Variants in ARL15 observed in about 807,000 individuals in gnomAD.
The protein encoded by ARL15 is ADP-ribosylation factor-like protein 15.
ARL15 carries 19 observed loss-of-function variants against 25.2 expected under a neutral mutation model. The observed-to-expected ratio is 0.75, with a 90% confidence interval of 0.53 to 1.10. The LOEUF is 1.10. Among genes scored for constraint, ARL15 ranks in the 50% least tolerant of loss-of-function variants. ARL15 has a pLI of 0.00. For missense variants in ARL15, 220 were observed against 246.0 expected (o/e 0.89, Z 0.71); for synonymous variants, 94 against 86.8 (o/e 1.08, Z -0.46).
chr5:53,898,761 T>C (rs968741259), intron 4 of ARL15, among the ~76,000 whole-genome samples: 1 of 151,900 alleles, frequency 6.6e-6, no homozygotes, highest in African/African-American at 2.4e-5. Context: ...CCTGGAACCT[T>C]CCAACCTCAG....
At chr5:53,961,379 T>A (rs1316379939) in intron 4 of ARL15, among the ~76,000 whole-genome samples, 1 of 151,350 alleles carries the variant, frequency 6.6e-6, no homozygotes, top group Admixed American at 6.6e-5. Context: ...ACGCCTGTAG[T>A]CCCAGCTACT....
At chr5:54,214,434 C>T (rs77953209) in intron 1 of ARL15, among the ~76,000 whole-genome samples, 4,895 of 152,200 alleles carry the variant, frequency 0.032, 269 homozygotes, top group African/African-American at 0.11. Context: ...TTTTCACCTC[C>T]GCAAAGCTTT....
At chr5:53,938,624 G>A (rs1050898089) in intron 4 of ARL15, among the ~76,000 whole-genome samples, 1 of 152,138 alleles carries the variant, frequency 6.6e-6, no homozygotes, top group African/African-American at 2.4e-5. Context: ...CCAGGAGTTC[G>A]AGACCAGCCT....
intron 3 of ARL15, chr5:54,154,376 C>T (rs1293352811): frequency 9.4e-6 from 4 of 423,596 alleles, no homozygotes; most frequent in African/African-American, 2.1e-5. Flanking sequence ...TTCAAAAAAC[C>T]CCCAAAGTTT....
At chr5:54,069,243 GT>G (rs34590837) in intron 4 of ARL15, among the ~76,000 whole-genome samples, 2,315 of 152,034 alleles carry the variant, frequency 0.015, 20 homozygotes, top group Admixed American at 0.021. Context: ...ATGTACTATG[GT>G]TTGAATCTTT....
chr5:54,038,160 G>T (rs995910858), intron 4 of ARL15, among the ~76,000 whole-genome samples: 4 of 151,976 alleles, frequency 2.6e-5, no homozygotes, highest in Admixed American at 2.6e-4. Context: ...TAATGAAATT[G>T]CTAATTCCTA....
chr5:54,153,237 A>G (rs1331500875), intron 3 of ARL15, among the ~76,000 whole-genome samples: 1 of 152,164 alleles, frequency 6.6e-6, no homozygotes, highest in Non-Finnish European at 1.5e-5. Flanking sequence ...TTTATAAACC[A>G]TGCATCTGGA....
chr5:54,262,336 G>A (rs1561287126), intron 1 of ARL15, among the ~76,000 whole-genome samples: 1 of 152,150 alleles, frequency 6.6e-6, no homozygotes, highest in African/African-American at 2.4e-5. Flanking sequence ...TTTTTCAGAA[G>A]AGAAGGCCCA....
intron 3 of ARL15, among the ~76,000 whole-genome samples, chr5:54,141,905 T>C (rs958965419): frequency 6.6e-6 from 1 of 152,240 alleles, no homozygotes; most frequent in Non-Finnish European, 1.5e-5. Context: ...AATAGTTCAT[T>C]CACTTTGATT....
intron 1 of ARL15, among the ~76,000 whole-genome samples, chr5:54,295,270 A>G (rs935892803): frequency 6.6e-6 from 1 of 152,224 alleles, no homozygotes; most frequent in Admixed American, 6.5e-5. Flanking sequence ...CTCAGAAGAC[A>G]TGAAATGGAA....
intron 4 of ARL15, among the ~76,000 whole-genome samples, chr5:53,891,682 T>G (rs993207096): frequency 3.3e-5 from 5 of 152,214 alleles, no homozygotes; most frequent in African/African-American, 9.6e-5. Flanking sequence ...ACACAATGCC[T>G]ATGTTCCCTC....
chr5:54,086,478 C>T (rs1751969276), intron 4 of ARL15, among the ~76,000 whole-genome samples: 1 of 149,830 alleles, frequency 6.7e-6, no homozygotes, highest in African/African-American at 2.5e-5. Flanking sequence ...TTCGCAGTAG[C>T]TTAAATAGAC....
chr5:53,998,077 T>C (rs534602825), intron 4 of ARL15, among the ~76,000 whole-genome samples: 3 of 152,092 alleles, frequency 2.0e-5, no homozygotes, highest in Admixed American at 6.5e-5. Context: ...ATTAGCTAGC[T>C]GCTAAGCCAC....
rs113012056 is a variant in ARL15, at chr5:54,187,224, G to T, written c.49-15296C>A. On this transcript the variant is annotated intron_variant, in intron 1 of 4. Coordinates refer to ENST00000504924, the MANE Select transcript of ARL15 (RefSeq NM_019087.3). ...TCAGAAGGCTCCAACCCCGGGCATT[G>T]TGCCACTGAGCTGGAGAATCTAACC... Among the ~76,000 whole-genome samples the T allele has an allele frequency of 7.1e-3, 1,086 of 152,256 alleles. 15 individuals carry two copies. Among genetic ancestry groups the T allele is most frequent in the African/African-American group, 0.025 (1,030 of 41,542 alleles).
At position 54,291,246 on chromosome 5, in the gene ARL15, T is replaced by C. The variant is rs189766750; in HGVS notation, c.48+19186A>G. Among the ~76,000 whole-genome samples the C allele has an allele frequency of 2.2e-3, 334 of 152,310 alleles. 1 individual carries two copies. The highest frequency in any genetic ancestry group is 7.8e-3 in the African/African-American group (323 of 41,582). ...TGAACTTCAATAAGTGGTCCTCAGATGAGAAAAGAGAACAGATAATCCTTG... is the reference window on the plus strand; with the variant it reads ...TGAACTTCAATAAGTGGTCCTCAGACGAGAAAAGAGAACAGATAATCCTTG... On this transcript the variant is annotated intron_variant, in intron 1 of 4. Coordinates refer to ENST00000504924, the MANE Select transcript of ARL15 (RefSeq NM_019087.3).
chr5:54,253,269 C>T (rs1165354316), intron 1 of ARL15, among the ~76,000 whole-genome samples: 1 of 152,058 alleles, frequency 6.6e-6, no homozygotes, highest in Non-Finnish European at 1.5e-5. Flanking sequence ...TGTTTCATTC[C>T]AATGCCTCTC....
Position 53,922,092 on chromosome 5 carries a change from T to C in ARL15, c.463-35379A>G, listed in dbSNP as rs1745875640. ...TTACTTAACTTGTAGTGTAGCACCATGTGTTTTGTCAGTTAATTACTGACC... is the reference window on the plus strand; with the variant it reads ...TTACTTAACTTGTAGTGTAGCACCACGTGTTTTGTCAGTTAATTACTGACC... On this transcript the variant is annotated intron_variant, in intron 4 of 4. Coordinates refer to ENST00000504924, the MANE Select transcript of ARL15 (RefSeq NM_019087.3). Among the ~76,000 whole-genome samples the C allele has an allele frequency of 1.3e-5, 2 of 152,348 alleles. 1 individual carries two copies. The highest frequency in any genetic ancestry group is 4.1e-4 in the South Asian group (2 of 4,824).
intron 4 of ARL15, among the ~76,000 whole-genome samples, chr5:54,062,160 G>A (rs778783246): frequency 2.4e-4 from 36 of 152,272 alleles, no homozygotes; most frequent in South Asian, 4.1e-4. Flanking sequence ...GCCTGTACCC[G>A]CATTGTACGT....
intron 1 of ARL15, among the ~76,000 whole-genome samples, chr5:54,230,346 G>GAA (rs137882615): frequency 0.02 from 1,824 of 91,780 alleles, 50 homozygotes; most frequent in African/African-American, 0.074. Flanking sequence ...TTCCATCTCA[G>GAA]AAAAAAAAAA....
Sources: gnomAD v4.1 joint callset for allele counts (sites outside exome capture counted in the v4.1 genomes callset) on GRCh38, gnomAD v4.1.1 for gene constraint, MANE v1.5 for transcripts, NCBI Gene and HGNC (gene_info 2026-07-23, HGNC 2026-07-21) for gene names.